Variants in EPHX2 observed in about 807,000 individuals in gnomAD.
EPHX2 encodes epoxide hydrolase 2, also known as bifunctional epoxide hydrolase 2.
Under a neutral mutation model 78.7 loss-of-function variants are expected in EPHX2, and 74 were observed. The ratio of observed to expected loss-of-function variants is 0.94; its 90% CI spans 0.78 to 1.14. The LOEUF is 1.14. Ranked by LOEUF, EPHX2 falls within the 50% of genes most tolerant of loss-of-function variation. EPHX2 has a pLI of 0.00. For synonymous variants in EPHX2, 251 were observed against 255.2 expected (o/e 0.98, Z 0.16); for missense variants, 715 against 702.5 (o/e 1.02, Z -0.20).
In EPHX2 at chr8:27,544,785, G is replaced by C. The variant is rs946798014; in HGVS notation, c.*263G>C. ...CTGTAAGAACCCTTAGTGTCCTGTA[G>C]GGGGACAGAATGGGGTGGCCAGGTG... is the stretch of plus-strand genomic sequence containing the variant. On this transcript the variant is annotated 3_prime_UTR_variant, in exon 19 of 19. Transcript: ENST00000521400. 8 of 482,978 alleles carry C rather than the reference G, an allele frequency of 1.7e-5. No individual in the cohort carries two copies. The highest frequency in any genetic ancestry group is 2.6e-5 in the Non-Finnish European group (7 of 271,796). The allele number at this position is 482,978 out of a possible 1,614,324, so 29.9% of individuals were successfully genotyped here. A position where few individuals can be genotyped will look rare whatever the true frequency, so the allele number is the denominator to read the frequency against.
At chr8:27,539,271 C>G (rs1178468479) in intron 14 of EPHX2, 1 of 152,626 alleles carries the variant, frequency 6.6e-6, no homozygotes, top group Non-Finnish European at 1.5e-5. Context: ...ACAGCATTCA[C>G]TTGTATTTTT....
Position 27,505,077 on chromosome 8 carries a change from G to A in EPHX2, c.468G>A (p.Val156=). 1 of 1,614,042 alleles carries A rather than the reference G, an allele frequency of 6.2e-7. No homozygotes were observed. The highest frequency in any genetic ancestry group is 1.1e-5 in the South Asian group (1 of 91,068). Residue 156 remains valine (V), a synonymous_variant, in exon 4 of 19, where the codon GTG becomes GTA. Coordinates refer to ENST00000521400, the MANE Select transcript of EPHX2 (RefSeq NM_001979.6). ...HFDFLIESCQ[V]GMVKPEPQIY... ...ACTTCCTGATAGAGTCGTGTCAGGT[G>A]GGAATGGTCAAACCTGAACCTCAGA...
intron 11 of EPHX2, among the ~76,000 whole-genome samples, chr8:27,523,828 C>T (rs1563354494): frequency 6.6e-6 from 1 of 152,036 alleles, no homozygotes; most frequent in African/African-American, 2.4e-5. Flanking sequence ...ACTGGGTTCA[C>T]CAAAAAGTTA....
At chr8:27,508,466 G>T (rs942789136) in intron 5 of EPHX2, among the ~76,000 whole-genome samples, 1 of 152,104 alleles carries the variant, frequency 6.6e-6, no homozygotes, top group Non-Finnish European at 1.5e-5. Context: ...CCCAAGCTTT[G>T]TTCATTTGTC....
chr8:27,531,241 C>G, intron 12 of EPHX2, among the ~76,000 whole-genome samples: 1 of 152,216 alleles, frequency 6.6e-6, no homozygotes, highest in Non-Finnish European at 1.5e-5. Flanking sequence ...AGGCCCCTGA[C>G]CTGAGCGTCT....
chr8:27,547,753 T>A (rs1341085594), downstream of EPHX2, among the ~76,000 whole-genome samples: 1 of 152,184 alleles, frequency 6.6e-6, no homozygotes, highest in East Asian at 1.9e-4. Context: ...TACTTTTTAC[T>A]TCTAGGAAAT....
Position 27,543,148 on chromosome 8 carries a change from G to A in EPHX2, c.1450-601G>A, listed in dbSNP as rs183942207. Among the ~76,000 whole-genome samples the A allele has an allele frequency of 2.3e-3, 352 of 152,124 alleles. 2 individuals are homozygous for A. Among genetic ancestry groups the A allele is most frequent in the Non-Finnish European group, 4.0e-3 (271 of 67,994 alleles). ...GCTCCTGGTTGTGGGAGGAGGGAGGGGTGTGGAGAGATGCCCATCACTCTG... is the reference window on the plus strand; with the variant it reads ...GCTCCTGGTTGTGGGAGGAGGGAGGAGTGTGGAGAGATGCCCATCACTCTG... On this transcript the variant is annotated intron_variant, in intron 16 of 18. Coordinates refer to ENST00000521400, the MANE Select transcript of EPHX2 (RefSeq NM_001979.6).
At chr8:27,531,516 G>A (rs918949898) in intron 12 of EPHX2, among the ~76,000 whole-genome samples, 1 of 152,182 alleles carries the variant, frequency 6.6e-6, no homozygotes, top group Non-Finnish European at 1.5e-5. Context: ...GCCTGTCTTG[G>A]AGAACACTGG....
chr8:27,547,015 G>A (rs1425962632), downstream of EPHX2, among the ~76,000 whole-genome samples: 1 of 152,132 alleles, frequency 6.6e-6, no homozygotes, highest in East Asian at 1.9e-4. Context: ...AGGGGGAGGT[G>A]CTACACACTT....
At chr8:27,516,430 T>C in intron 8 of EPHX2, 32 bp downstream of exon 8, 1 of 1,602,506 alleles carries the variant, frequency 6.2e-7, no homozygotes, top group Non-Finnish European at 8.5e-7. Flanking sequence ...TGTCTTATGC[T>C]GGTCTTGCCT....
At chr8:27,541,687 G>A in intron 16 of EPHX2, 145 bp downstream of exon 16, 2 of 802,424 alleles carry the variant, frequency 2.5e-6, no homozygotes, top group Non-Finnish European at 4.1e-6. Flanking sequence ...GGTTTGGGAA[G>A]TGACTCCCTT....
chr8:27,500,880 A>C (rs758058631), intron 1 of EPHX2, 46 bp from the exon 2 acceptor site: 1 of 1,555,788 alleles, frequency 6.4e-7, no homozygotes, highest in Non-Finnish European at 8.8e-7. Context: ...ATGTGCTGCC[A>C]TGACAAAATC....
intron 4 of EPHX2, 70 bp from the exon 5 acceptor site, chr8:27,506,802 C>T (rs1814022128): frequency 6.4e-7 from 1 of 1,569,718 alleles, no homozygotes; most frequent in Non-Finnish European, 8.6e-7. Context: ...ATCTCCTCAT[C>T]ATAAAATAGC....
chr8:27,531,106 G>A (rs1273743242), intron 12 of EPHX2, among the ~76,000 whole-genome samples: 2 of 152,188 alleles, frequency 1.3e-5, no homozygotes, highest in Admixed American at 1.3e-4. Context: ...ACCCTTGGCA[G>A]GGTTATTTTC....
chr8:27,514,874 T>C (rs1232353961), intron 6 of EPHX2, among the ~76,000 whole-genome samples: 1 of 152,132 alleles, frequency 6.6e-6, no homozygotes, highest in African/African-American at 2.4e-5. Flanking sequence ...ACACAGACTT[T>C]GTCAAGCCCT....
intron 13 of EPHX2, among the ~76,000 whole-genome samples, chr8:27,538,147 G>A (rs56792735): frequency 6.6e-6 from 1 of 152,284 alleles, no homozygotes; most frequent in Non-Finnish European, 1.5e-5. Flanking sequence ...TCCCAAGGGG[G>A]TGTCTTTTGG....
intron 11 of EPHX2, among the ~76,000 whole-genome samples, chr8:27,524,828 T>G (rs1814767944): frequency 6.6e-6 from 1 of 152,198 alleles, no homozygotes; most frequent in South Asian, 2.1e-4. Context: ...AGTCATCTCA[T>G]AAGGTCACTG....
At chr8:27,498,244 G>A (rs981677101) in intron 1 of EPHX2, among the ~76,000 whole-genome samples, 13 of 152,160 alleles carry the variant, frequency 8.5e-5, no homozygotes, top group Admixed American at 3.9e-4. Context: ...GGACATAACC[G>A]ATAGCCCGGG....
intron 1 of EPHX2, 76 bp downstream of exon 1, chr8:27,491,385 T>G: frequency 8.9e-7 from 1 of 1,122,162 alleles, no homozygotes; most frequent in Non-Finnish European, 1.2e-6. Flanking sequence ...GCAGCCCAGC[T>G]TTCAGATTGC....
Sources: allele counts gnomAD v4.1 joint callset (sites outside exome capture counted in the v4.1 genomes callset), GRCh38; gene constraint gnomAD v4.1.1; transcripts MANE v1.5; gene names NCBI Gene and HGNC (gene_info 2026-07-23, HGNC 2026-07-21).